Variants in PTPRJ observed in about 807,000 individuals in gnomAD.
PTPRJ encodes the protein protein tyrosine phosphatase receptor type J, also known as receptor-type tyrosine-protein phosphatase eta.
PTPRJ carries 129 observed loss-of-function variants against 141.3 expected under a neutral mutation model. That is an observed-to-expected ratio of 0.91 (90% confidence interval 0.79 to 1.06). The LOEUF is 1.06. Ranked by LOEUF, PTPRJ falls within the 50% of genes least tolerant of loss-of-function variation. The pLI is 0.00. For missense variants in PTPRJ, 1,601 were observed against 1,679.7 expected (o/e 0.95, Z 0.82); for synonymous variants, 610 against 640.5 (o/e 0.95, Z 0.72).
chr11:48,101,671 A>AGGATTCCGTG, intron 1 of PTPRJ, among the ~76,000 whole-genome samples: 1 of 152,264 alleles, frequency 6.6e-6, no homozygotes, highest in Non-Finnish European at 1.5e-5. Flanking sequence ...TGGGGAAGGG[A>AGGATTCCGTG]GGATTCCGTG....
rs748064728 is a variant in PTPRJ at position 48,142,980 on chromosome 11, C to G, written c.2505C>G (p.Val835=). The change falls in exon 12 of 25, where the codon GTC becomes GTG. Residue 835 remains valine, a synonymous_variant. Coordinates refer to ENST00000418331, the MANE Select transcript of PTPRJ (RefSeq NM_002843.4). ...ITSVSHNSVK[V]KFSGFEASHG... The stretch of plus-strand genomic sequence containing the variant: ...CTGTCAGTCACAATTCAGTAAAGGT[C>G]AAGTTCAGTGGATTTGAAGCCAGCC... 1.5e-5 allele frequency: 25 copies of G among 1,614,144 alleles called. No homozygotes were observed. In the East Asian group the frequency reaches 4.9e-4, roughly 32 times the overall value.
chr11:47,992,695 G>A (rs996852606), intron 1 of PTPRJ, among the ~76,000 whole-genome samples: 1 of 152,096 alleles, frequency 6.6e-6, no homozygotes, highest in African/African-American at 2.4e-5. Flanking sequence ...ATACTGTAAG[G>A]CGGTGTATTT....
intron 1 of PTPRJ, among the ~76,000 whole-genome samples, chr11:48,058,004 C>T (rs1317462593): frequency 3.3e-5 from 5 of 151,962 alleles, no homozygotes; most frequent in African/African-American, 9.7e-5. Context: ...CTCCGCCTCC[C>T]GGGTTCAAGT....
intron 1 of PTPRJ, among the ~76,000 whole-genome samples, chr11:48,003,391 G>A (rs1854548752): frequency 6.6e-6 from 1 of 151,990 alleles, no homozygotes; most frequent in African/African-American, 2.4e-5. Flanking sequence ...CGTTCCAAAA[G>A]GAATTCATTG....
chr11:48,123,526 C>T (rs531393120), intron 4 of PTPRJ, 87 bp from the exon 5 acceptor site: 45 of 1,398,404 alleles, frequency 3.2e-5, no homozygotes, highest in Middle Eastern at 2.6e-4. Context: ...TTTTAAAACC[C>T]GCTCCCAGCA....
At chr11:48,051,986 A>G (rs920943151) in intron 1 of PTPRJ, among the ~76,000 whole-genome samples, 7 of 152,222 alleles carry the variant, frequency 4.6e-5, no homozygotes, top group Non-Finnish European at 8.8e-5. Context: ...CCTTGGTAAC[A>G]GTGATGATAG....
intron 1 of PTPRJ, among the ~76,000 whole-genome samples, chr11:48,082,484 T>C (rs956620389): frequency 2.7e-5 from 4 of 150,308 alleles, no homozygotes; most frequent in African/African-American, 9.8e-5. Flanking sequence ...GGTGTAGTCA[T>C]GGCTCGCTGC....
chr11:48,136,188 A>G lies in PTPRJ; in HGVS notation c.1765A>G (p.Lys589Glu). 1 of 1,614,222 alleles carries G rather than the reference A, an allele frequency of 6.2e-7. No individual in the cohort carries two copies. Among genetic ancestry groups the G allele is most frequent in the Non-Finnish European group, 8.5e-7 (1 of 1,180,038 alleles). The change falls in exon 9 of 25, where the codon AAA becomes GAA. Residue 589 changes from lysine (K) to glutamate (E), a missense_variant. Transcript: ENST00000418331. ...CTCTAACCACACAAGCACGTATGAC[A>G]AAGCGATTACTCTCCAGGGCCTGAT... ...HGSNHTSTYDKAITLQGLIPG... is the reference protein window; with the variant it reads ...HGSNHTSTYDEAITLQGLIPG...
At chr11:48,152,289 G>C (rs1387319451) in intron 18 of PTPRJ, among the ~76,000 whole-genome samples, 2 of 152,042 alleles carry the variant, frequency 1.3e-5, no homozygotes, top group Non-Finnish European at 2.9e-5. Context: ...CTTTTTGATG[G>C]GGTTGTTTGA....
chr11:48,056,316 T>C (rs1854750616), intron 1 of PTPRJ, among the ~76,000 whole-genome samples: 1 of 152,198 alleles, frequency 6.6e-6, no homozygotes, highest in African/African-American at 2.4e-5. Flanking sequence ...TTGATCCCTC[T>C]TAGTTGTGTG....
In PTPRJ at chr11:48,142,983, G is replaced by T. The variant is rs1237670473; in HGVS notation, c.2508G>T (p.Lys836Asn). 1 of 1,614,178 alleles carries T rather than the reference G, an allele frequency of 6.2e-7. No individual in the cohort carries two copies. The highest frequency in any genetic ancestry group is 1.7e-5 in the Admixed American group (1 of 60,014). The change falls in exon 12 of 25, where the codon AAG becomes AAT. Residue 836 changes from lysine (K) to asparagine (N), a missense_variant. By Grantham distance (94) the Lys-to-Asn change is moderately conservative (BLOSUM62 0). Transcript: ENST00000418331. ...TCAGTCACAATTCAGTAAAGGTCAA[G>T]TTCAGTGGATTTGAAGCCAGCCACG... is the stretch of plus-strand genomic sequence containing the variant. Reference protein sequence around the residue: ...TSVSHNSVKVKFSGFEASHGP... With the variant: ...TSVSHNSVKVNFSGFEASHGP...
intron 1 of PTPRJ, among the ~76,000 whole-genome samples, chr11:48,092,796 T>C (rs2134301448): frequency 1.3e-5 from 2 of 152,344 alleles, no homozygotes; most frequent in Admixed American, 1.3e-4. Flanking sequence ...TTTATGTGTT[T>C]AGCATATTTC....
intron 1 of PTPRJ, among the ~76,000 whole-genome samples, chr11:48,000,950 A>G (rs1426963576): frequency 2.0e-5 from 3 of 149,966 alleles, no homozygotes; most frequent in Non-Finnish European, 4.4e-5. Flanking sequence ...ACAGGTTACA[A>G]TGGACTGGAC....
Position 48,136,095 on chromosome 11 carries a change from C to T in PTPRJ, c.1672C>T (p.Leu558=). 2 of 1,614,168 alleles carry T rather than the reference C, an allele frequency of 1.2e-6. No individual in the cohort carries two copies. The highest frequency in any genetic ancestry group is 4.5e-5 in the East Asian group (2 of 44,882). ...CTACGTCACCACCACGGAGATGTGG[C>T]TGGACTGGAAGAGCCCTGACGGTGC... ...VVYVTTTEMW[L]DWKSPDGASE... The change falls in exon 9 of 25, where the codon CTG becomes TTG. Residue 558 remains leucine (L), a synonymous_variant. Transcript: ENST00000418331.
chr11:48,053,164 T>G (rs1458700641), intron 1 of PTPRJ, among the ~76,000 whole-genome samples: 2 of 108,342 alleles, frequency 1.8e-5, no homozygotes, highest in Non-Finnish European at 3.5e-5. Context: ...ATATATTATA[T>G]ATATAAAAAT....
At chr11:48,030,776 G>T (rs1349618067) in intron 1 of PTPRJ, among the ~76,000 whole-genome samples, 4 of 152,012 alleles carry the variant, frequency 2.6e-5, no homozygotes, top group Admixed American at 1.3e-4. Flanking sequence ...AAATAATAAA[G>T]AGGAGGCCTT....
intron 1 of PTPRJ, among the ~76,000 whole-genome samples, chr11:48,063,967 T>G (rs1366771483): frequency 1.3e-5 from 2 of 151,954 alleles, no homozygotes; most frequent in Non-Finnish European, 2.9e-5. Flanking sequence ...GCTCATATTT[T>G]GGCTTTAGTT....
chr11:48,120,736 C>T (rs76419214), intron 3 of PTPRJ, among the ~76,000 whole-genome samples: 203 of 152,280 alleles, frequency 1.3e-3, no homozygotes, highest in Non-Finnish European at 2.5e-3. Context: ...TCTATACAGA[C>T]TTAACCCCAT....
intron 8 of PTPRJ, among the ~76,000 whole-genome samples, chr11:48,131,065 TATA>T (rs1856966978): frequency 1.8e-5 from 2 of 108,602 alleles, no homozygotes; most frequent in African/African-American, 7.1e-5. Flanking sequence ...TATATATATA[TATA>T]TATTTTTTTT....
Sources: gnomAD v4.1 joint callset for allele counts (sites outside exome capture counted in the v4.1 genomes callset) on GRCh38, gnomAD v4.1.1 for gene constraint, MANE v1.5 for transcripts, NCBI Gene and HGNC (gene_info 2026-07-23, HGNC 2026-07-21) for gene names.